Variants in ARMH4 observed in about 807,000 individuals in gnomAD.
ARMH4 encodes armadillo-like helical domain-containing protein 4.
In ARMH4, 49 loss-of-function variants were observed where a neutral mutation model predicts 61.9. That is an observed-to-expected ratio of 0.79 (90% CI 0.63 to 1.00). The LOEUF (loss-of-function observed/expected upper bound fraction) is 1.00, where lower values mean the gene tolerates loss of function less well. Among genes scored for constraint, ARMH4 ranks in the 50% least tolerant of loss-of-function variants. The probability of loss-of-function intolerance (pLI) is 0.00; values close to 1 mark genes in which losing one functional copy is unlikely to be tolerated. For synonymous variants in ARMH4, 368 were observed against 341.5 expected, an observed-to-expected ratio of 1.08 and a Z score of -0.85; for missense variants, 934 against 930.0, an observed-to-expected ratio of 1.00 and a Z score of -0.06.
At chr14:58,027,556 T>A (rs1405949986) in intron 5 of ARMH4, among the ~76,000 whole-genome samples, 3 of 152,188 alleles carry the variant, frequency 2.0e-5, no homozygotes, top group East Asian at 3.9e-4. Context: ...TAAAGGCATA[T>A]GACTTGGTGG....
At chr14:58,048,589 C>G (rs538331144) in intron 5 of ARMH4, among the ~76,000 whole-genome samples, 8 of 152,214 alleles carry the variant, frequency 5.3e-5, no homozygotes, top group African/African-American at 1.9e-4. Context: ...CTGGAGAGAA[C>G]TTGGTACTTT....
intron 5 of ARMH4, among the ~76,000 whole-genome samples, chr14:58,079,152 G>A (rs924914624): frequency 5.3e-5 from 8 of 152,162 alleles, no homozygotes; most frequent in Admixed American, 1.3e-4. Context: ...CCTAAATGAT[G>A]TAAAGTATAT....
intron 5 of ARMH4, among the ~76,000 whole-genome samples, chr14:58,017,789 G>C (rs896402119): frequency 1.3e-5 from 2 of 152,030 alleles, no homozygotes; most frequent in African/African-American, 2.4e-5. Flanking sequence ...CTTAAAATTT[G>C]TATGGAACCA....
At chr14:58,081,561 T>C (rs1203447893) in intron 5 of ARMH4, among the ~76,000 whole-genome samples, 1 of 151,638 alleles carries the variant, frequency 6.6e-6, no homozygotes, top group Non-Finnish European at 1.5e-5. Flanking sequence ...AGTGCAGTGG[T>C]GCTATCTCGG....
chr14:58,017,248 A>G (rs1385408850), intron 5 of ARMH4, among the ~76,000 whole-genome samples: 4 of 152,186 alleles, frequency 2.6e-5, no homozygotes, highest in Non-Finnish European at 5.9e-5. Context: ...CAGGAGGTTG[A>G]GGCTGCGGTG....
intron 5 of ARMH4, among the ~76,000 whole-genome samples, chr14:58,050,014 AT>A (rs540327434): frequency 6.6e-6 from 1 of 152,100 alleles, no homozygotes; most frequent in African/African-American, 2.4e-5. Flanking sequence ...TTTGGTCAAG[AT>A]TTTTTTCTCC....
At chr14:58,116,747 C>G (rs1192481420) in intron 4 of ARMH4, among the ~76,000 whole-genome samples, 1 of 152,178 alleles carries the variant, frequency 6.6e-6, no homozygotes, top group Non-Finnish European at 1.5e-5. Context: ...GAGGATTCTG[C>G]TCTTGACAAT....
chr14:58,092,020 C>A (rs372424669), intron 5 of ARMH4, among the ~76,000 whole-genome samples: 64 of 152,356 alleles, frequency 4.2e-4, no homozygotes, highest in African/African-American at 1.4e-3. Flanking sequence ...AGGCCTGAAT[C>A]TACTGCTTTG....
intron 5 of ARMH4, among the ~76,000 whole-genome samples, chr14:58,059,617 T>G (rs2042110508): frequency 6.6e-6 from 1 of 152,188 alleles, no homozygotes; most frequent in South Asian, 2.1e-4. Context: ...AAAAGTACCT[T>G]GTAAATACCA....
In ARMH4 at chr14:58,004,002, TATG is replaced by T. The variant is rs1882070008; in HGVS notation, c.*731_*733del. The T allele has an allele frequency of 6.6e-6, 1 of 152,194 alleles. No individual in the cohort carries two copies. Among genetic ancestry groups the T allele is most frequent in the Non-Finnish European group, 1.5e-5 (1 of 68,036 alleles). The allele number at this position is 152,194 out of a possible 1,614,324, so 9.4% of individuals were successfully genotyped here. ...CTTAATCATAAACATGTATGACATG[TATG>T]ATTGAGTCTGTTGGACTCAATCACA... On this transcript the variant is annotated 3_prime_UTR_variant, in exon 8 of 8. Transcript: ENST00000267485.
At chr14:58,149,334 A>G (rs954285156) in intron 1 of ARMH4, among the ~76,000 whole-genome samples, 3 of 152,204 alleles carry the variant, frequency 2.0e-5, no homozygotes, top group African/African-American at 7.2e-5. Flanking sequence ...CATAAATTAA[A>G]TAGCTGAATG....
chr14:58,046,882 T>C (rs1371799930), intron 5 of ARMH4, among the ~76,000 whole-genome samples: 2 of 152,192 alleles, frequency 1.3e-5, no homozygotes, highest in Admixed American at 1.3e-4. Flanking sequence ...TACATAAAAC[T>C]CCGAATCCTG....
At chr14:58,137,230 C>T (rs930257713) in intron 2 of ARMH4, among the ~76,000 whole-genome samples, 12 of 152,222 alleles carry the variant, frequency 7.9e-5, no homozygotes, top group Non-Finnish European at 1.5e-4. Flanking sequence ...GGCTGTCCTA[C>T]GTAGTCTAAG....
chr14:58,022,487 T>A (rs1882876134), intron 5 of ARMH4, among the ~76,000 whole-genome samples: 1 of 152,052 alleles, frequency 6.6e-6, no homozygotes, highest in Admixed American at 6.6e-5. Flanking sequence ...AATCCCTGAG[T>A]TTTCCTCATT....
chr14:58,084,630 A>C (rs1885327055), intron 5 of ARMH4, among the ~76,000 whole-genome samples: 1 of 152,178 alleles, frequency 6.6e-6, no homozygotes, highest in South Asian at 2.1e-4. Context: ...GCAGCTCAAA[A>C]ATTCAAATCC....
chr14:58,036,070 T>A (rs1280578020), intron 5 of ARMH4, among the ~76,000 whole-genome samples: 1 of 122,746 alleles, frequency 8.1e-6, no homozygotes, highest in African/African-American at 3.0e-5. Context: ...ATCATTCTGA[T>A]ACCAAAGCCG....
intron 4 of ARMH4, among the ~76,000 whole-genome samples, chr14:58,119,928 T>C (rs542460260): frequency 5.4e-4 from 83 of 152,322 alleles, no homozygotes; most frequent in Admixed American, 2.9e-3. Flanking sequence ...TTGTTAGGTT[T>C]GTTCCCACTC....
chr14:58,139,668 T>C (rs1887465273), intron 1 of ARMH4, among the ~76,000 whole-genome samples: 1 of 152,220 alleles, frequency 6.6e-6, no homozygotes, highest in South Asian at 2.1e-4. Flanking sequence ...AAGTTCGTTG[T>C]TTCTTAAATA....
rs1887621304 is a variant in ARMH4, at chr14:58,143,175, G to A, written c.-56-3761C>T. On this transcript the variant is annotated intron_variant, in intron 1 of 7. Transcript: ENST00000267485. ...TTATTTCAAGCCACTAAGCTACGGG[G>A]TAATTTGTTACACAGAAATCTTGAG... 3.9e-5 allele frequency among the ~76,000 whole-genome samples: 6 copies of A among 152,170 alleles called. 1 individual carries two copies. In the South Asian group the frequency reaches 1.2e-3, roughly 32 times the overall value.
Sources: gnomAD v4.1 joint callset for allele counts (sites outside exome capture counted in the v4.1 genomes callset) on GRCh38, gnomAD v4.1.1 for gene constraint, MANE v1.5 for transcripts, NCBI Gene and HGNC (gene_info 2026-07-23, HGNC 2026-07-21) for gene names.